TTC29: variants seen among roughly 807,000 people sequenced by gnomAD.
The protein encoded by TTC29 is tetratricopeptide repeat domain 29.
TTC29 carries 49 observed loss-of-function variants against 58.1 expected under a neutral mutation model. The ratio of observed to expected loss-of-function variants is 0.84; its 90% confidence interval spans 0.67 to 1.07. The LOEUF is 1.07. Ranked by LOEUF, TTC29 falls within the 50% of genes least tolerant of loss-of-function variation. TTC29 has a pLI of 0.00. For missense variants in TTC29, 582 were observed against 555.6 expected, an observed-to-expected ratio of 1.05 and a Z score of -0.48; for synonymous variants, 209 against 196.8, an observed-to-expected ratio of 1.06 and a Z score of -0.52.
chr4:146,759,310 CA>C (rs752437950), intron 11 of TTC29, among the ~76,000 whole-genome samples: 20 of 151,926 alleles, frequency 1.3e-4, no homozygotes, highest in Non-Finnish European at 2.5e-4. Flanking sequence ...AGACCAATAA[CA>C]AGCAGTGAGA....
At chr4:146,707,668 G>A in intron 11 of TTC29, 117 bp from the exon 12 acceptor site, 1 of 670,320 alleles carries the variant, frequency 1.5e-6, no homozygotes, top group East Asian at 2.7e-5. Flanking sequence ...TATAAGATAA[G>A]GGTGTATGTA....
intron 11 of TTC29, among the ~76,000 whole-genome samples, chr4:146,747,001 T>C (rs1026362723): frequency 9.9e-5 from 15 of 152,192 alleles, no homozygotes; most frequent in East Asian, 5.8e-4. Flanking sequence ...AGGAAACATG[T>C]CACCTCTGCC....
intron 10 of TTC29, among the ~76,000 whole-genome samples, chr4:146,805,538 C>T (rs928251942): frequency 6.6e-6 from 1 of 151,802 alleles, no homozygotes; most frequent in African/African-American, 2.4e-5. Context: ...TAGAAAAGAA[C>T]ATAAATTACC....
intron 10 of TTC29, 87 bp downstream of exon 10, chr4:146,820,038 G>T: frequency 6.5e-7 from 1 of 1,535,160 alleles, no homozygotes; most frequent in Non-Finnish European, 8.9e-7. Context: ...GGGAAGACAA[G>T]GATGACATGA....
chr4:146,716,272 T>C (rs1314222664), intron 11 of TTC29, among the ~76,000 whole-genome samples: 1 of 152,154 alleles, frequency 6.6e-6, no homozygotes, highest in Non-Finnish European at 1.5e-5. Context: ...GTAATACATA[T>C]AATATGAAAC....
chr4:146,807,670 C>T (rs1180629962), intron 10 of TTC29, among the ~76,000 whole-genome samples: 1 of 151,894 alleles, frequency 6.6e-6, no homozygotes, highest in Non-Finnish European at 1.5e-5. Flanking sequence ...ACACATATAC[C>T]CTCCCAAGAC....
At position 146,874,730 on chromosome 4, in the gene TTC29, T is replaced by G; in HGVS notation, c.785A>C (p.Glu262Ala). 1 of 1,602,596 alleles carries G rather than the reference T, an allele frequency of 6.2e-7. No homozygotes were observed. Among genetic ancestry groups the G allele is most frequent in the African/African-American group, 1.3e-5 (1 of 74,876 alleles). ...TTTCCACCCACCTTCTTTGGCTATT[T>G]CAGAAGCTTTTATTAGAATTTTGAT... is the stretch of plus-strand genomic sequence containing the variant. Reference protein sequence around the residue: ...QAIKILIKASEIAKEGSDKKM... With the variant: ...QAIKILIKASAIAKEGSDKKM... Residue 262 changes from glutamate to alanine, a missense_variant, in exon 7 of 13, where the codon GAA becomes GCA. Coordinates refer to ENST00000325106, the MANE Select transcript of TTC29 (RefSeq NM_031956.4).
chr4:146,824,964 T>C (rs2150146539), intron 9 of TTC29, among the ~76,000 whole-genome samples: 1 of 152,300 alleles, frequency 6.6e-6, no homozygotes, highest in East Asian at 1.9e-4. Context: ...TTATCATTTT[T>C]TATTGTGTCT....
rs1489789618 is a variant in TTC29, at chr4:146,867,571, T to C, written c.812A>G (p.Lys271Arg). The C allele has an allele frequency of 1.3e-6, 2 of 1,520,908 alleles. No homozygotes were observed. Among genetic ancestry groups the C allele is most frequent in the Non-Finnish European group, 1.8e-6 (2 of 1,128,080 alleles). The allele number at this position is 1,520,908 out of a possible 1,614,324, so 94.2% of individuals were successfully genotyped here. ...GTAGTAAGAGGCTTCCGCTTCCATC[T>C]TTTTGTCACTTCCTGAAGTGAAGAT... ...SEIAKEGSDKKMEAEASYYLG... is the reference protein window; with the variant it reads ...SEIAKEGSDKRMEAEASYYLG... The change falls in exon 8 of 13, where the codon AAG becomes AGG. Residue 271 changes from lysine to arginine, a missense_variant. Coordinates refer to ENST00000325106, the MANE Select transcript of TTC29 (RefSeq NM_031956.4).
intron 11 of TTC29, among the ~76,000 whole-genome samples, chr4:146,802,412 C>A (rs1030221982): frequency 2.0e-5 from 3 of 152,080 alleles, no homozygotes; most frequent in Admixed American, 2.0e-4. Flanking sequence ...CAAGAAGCTG[C>A]CAATTTTTTG....
intron 11 of TTC29, among the ~76,000 whole-genome samples, chr4:146,801,009 C>T (rs948974347): frequency 4.6e-5 from 7 of 152,068 alleles, no homozygotes; most frequent in Non-Finnish European, 1.0e-4. Flanking sequence ...AATGACCTAG[C>T]AAAACGGGCA....
chr4:146,944,808 C>T (rs1232426795), intron 2 of TTC29, among the ~76,000 whole-genome samples: 1 of 116,960 alleles, frequency 8.5e-6, no homozygotes, highest in African/African-American at 3.8e-5. Context: ...ATTATGCTCC[C>T]TAAGTAAAAA....
intron 4 of TTC29, among the ~76,000 whole-genome samples, chr4:146,932,385 C>T (rs1343750603): frequency 6.6e-6 from 1 of 152,052 alleles, no homozygotes; most frequent in East Asian, 1.9e-4. Flanking sequence ...ATTACTTTAC[C>T]AAAGAGCAAA....
At chr4:146,746,730 T>C (rs746624907) in intron 11 of TTC29, among the ~76,000 whole-genome samples, 2 of 152,128 alleles carry the variant, frequency 1.3e-5, no homozygotes, top group Non-Finnish European at 2.9e-5. Flanking sequence ...TCCAGTTTTT[T>C]AGGTTGGTCT....
intron 8 of TTC29, among the ~76,000 whole-genome samples, chr4:146,843,562 T>C (rs998957188): frequency 6.6e-6 from 1 of 152,084 alleles, no homozygotes; most frequent in African/African-American, 2.4e-5. Context: ...AGCACTAGTT[T>C]CTCTTCTGCC....
intron 4 of TTC29, among the ~76,000 whole-genome samples, chr4:146,932,754 G>A (rs1004778708): frequency 6.6e-6 from 1 of 152,012 alleles, no homozygotes; most frequent in Non-Finnish European, 1.5e-5. Context: ...GGAGAAAAAG[G>A]CTTTAAAAGA....
At chr4:146,869,097 TA>T (rs35029868) in intron 7 of TTC29, among the ~76,000 whole-genome samples, 3,697 of 110,386 alleles carry the variant, frequency 0.033, 119 homozygotes, top group African/African-American at 0.085. Context: ...GAGCTTTAAG[TA>T]AAAAAAAAAA....
At chr4:146,712,752 G>A (rs1579501895) in intron 11 of TTC29, among the ~76,000 whole-genome samples, 1 of 152,036 alleles carries the variant, frequency 6.6e-6, no homozygotes, top group East Asian at 1.9e-4. Flanking sequence ...AAGGGATATT[G>A]AGGCACCTAG....
intron 10 of TTC29, among the ~76,000 whole-genome samples, chr4:146,807,183 A>C (rs575000028): frequency 1.3e-5 from 2 of 152,354 alleles, no homozygotes; most frequent in East Asian, 3.9e-4. Context: ...AAGTTCTTTG[A>C]AACCAATGAG....
Sources: allele counts gnomAD v4.1 joint callset (sites outside exome capture counted in the v4.1 genomes callset), GRCh38; gene constraint gnomAD v4.1.1; transcripts MANE v1.5; gene names NCBI Gene and HGNC (gene_info 2026-07-23, HGNC 2026-07-21).